The following ZEB2 variants were observed in gnomAD, a reference collection of about 807,000 sequenced individuals.
ZEB2 encodes zinc finger E-box-binding homeobox 2.
ZEB2 carries 6 observed loss-of-function variants against 99.9 expected under a neutral mutation model. That is an observed-to-expected ratio of 0.06 (90% confidence interval 0.03 to 0.12). The LOEUF is 0.12. Ranked by LOEUF, ZEB2 falls within the 10% of genes least tolerant of loss-of-function variation. The probability of loss-of-function intolerance (pLI) is 1.00; values close to 1 mark genes in which losing one functional copy is unlikely to be tolerated. For missense variants in ZEB2, 969 were observed against 1,502.8 expected (o/e 0.64, Z 5.87); for synonymous variants, 517 against 542.5 (o/e 0.95, Z 0.65).
intron 1 of ZEB2, 51 bp from the exon 2 acceptor site, chr2:144,517,470 C>T: frequency 1.6e-6 from 2 of 1,286,576 alleles, no homozygotes; most frequent in Admixed American, 1.9e-5. Context: ...CCCATTGAAA[C>T]GCGCGCGGGC....
intron 2 of ZEB2, among the ~76,000 whole-genome samples, chr2:144,460,005 C>G (rs1337531834): frequency 1.3e-5 from 2 of 152,142 alleles, no homozygotes; most frequent in African/African-American, 2.4e-5. Context: ...AGGTTACCCT[C>G]CGAGCCAACA....
At chr2:144,470,701 G>T (rs1560638011) in intron 2 of ZEB2, among the ~76,000 whole-genome samples, 1 of 152,028 alleles carries the variant, frequency 6.6e-6, no homozygotes, top group Admixed American at 6.6e-5. Context: ...GCCATAAGTT[G>T]CTTTTTTGTT....
intron 9 of ZEB2, among the ~76,000 whole-genome samples, chr2:144,391,224 G>A (rs1298148998): frequency 1.3e-5 from 2 of 152,168 alleles, no homozygotes; most frequent in Non-Finnish European, 2.9e-5. Context: ...AATGCCTCCA[G>A]GGCATGCCAC....
At chr2:144,428,575 G>T (rs866809399) in intron 3 of ZEB2, 1 of 152,092 alleles carries the variant, frequency 6.6e-6, no homozygotes. Context: ...AATTGGAAAC[G>T]GAAAGAGTAG....
Position 144,434,027 on chromosome 2 carries a change from T to G in ZEB2, c.74-4001A>C, listed in dbSNP as rs530644401. The stretch of plus-strand genomic sequence containing the variant: ...ATACAATGTTACCTTACTAACCCCT[T>G]TTCCTACTTATATGCTTTCTCTACA... On this transcript the variant is annotated intron_variant, in intron 2 of 9. Transcript: ENST00000627532. Among the ~76,000 whole-genome samples, 4 of 152,334 alleles carry G rather than the reference T, an allele frequency of 2.6e-5. No individual in the cohort carries two copies. In the South Asian group the frequency reaches 8.3e-4, roughly 32 times the overall value.
chr2:144,513,572 G>T (rs1299730331), intron 2 of ZEB2: 7 of 1,529,100 alleles, frequency 4.6e-6, no homozygotes, highest in Non-Finnish European at 6.1e-6. Context: ...CAACGTGCAT[G>T]TCTCTGTGAG....
At chr2:144,512,786 C>A (rs934810548) in intron 2 of ZEB2, 12 of 1,287,062 alleles carry the variant, frequency 9.3e-6, no homozygotes, top group Non-Finnish European at 1.2e-5. Context: ...ATACATAGCC[C>A]CCAGCCTTGT....
chr2:144,472,553 C>T (rs932181950), intron 2 of ZEB2, among the ~76,000 whole-genome samples: 2 of 152,068 alleles, frequency 1.3e-5, no homozygotes, highest in Non-Finnish European at 2.9e-5. Flanking sequence ...TCTTATTACT[C>T]ATCACAACAA....
At chr2:144,487,283 A>C (rs1483185609) in intron 2 of ZEB2, among the ~76,000 whole-genome samples, 1 of 152,214 alleles carries the variant, frequency 6.6e-6, no homozygotes, top group Non-Finnish European at 1.5e-5. Flanking sequence ...CTTAGCAAGA[A>C]GAGATTAAAG....
At chr2:144,446,211 T>C (rs1282819608) in intron 2 of ZEB2, among the ~76,000 whole-genome samples, 1 of 152,218 alleles carries the variant, frequency 6.6e-6, no homozygotes. Context: ...AACATTCATA[T>C]GATGCTTTCA....
intron 2 of ZEB2, chr2:144,513,326 C>A (rs1402321093): frequency 7.7e-7 from 1 of 1,299,706 alleles, no homozygotes; most frequent in African/African-American, 1.5e-5. Flanking sequence ...TGAGAACATT[C>A]AACTTGATCC....
At chr2:144,401,886 G>C (rs981420881) in intron 6 of ZEB2, among the ~76,000 whole-genome samples, 2 of 152,102 alleles carry the variant, frequency 1.3e-5, no homozygotes, top group Non-Finnish European at 2.9e-5. Flanking sequence ...TACATGATGA[G>C]CATGTTTAAA....
intron 2 of ZEB2, among the ~76,000 whole-genome samples, chr2:144,503,000 T>G (rs1230846157): frequency 6.6e-6 from 1 of 152,162 alleles, no homozygotes; most frequent in African/African-American, 2.4e-5. Context: ...AACTCTTCCT[T>G]AGGAATTTAT....
In ZEB2 at chr2:144,394,807, A is replaced by G. The variant is rs895360947; in HGVS notation, c.3067+1605T>C. 7.2e-5 allele frequency among the ~76,000 whole-genome samples: 11 copies of G among 152,244 alleles called. No individual in the cohort carries two copies. In the South Asian group the frequency reaches 2.1e-3, roughly 29 times the overall value. ...TATTTATCAACCTTGTTGCTTCACA[A>G]AAACCCTCCCCACACTATCAGGCTG... On this transcript the variant is annotated intron_variant, in intron 9 of 9. Coordinates refer to ENST00000627532, the MANE Select transcript of ZEB2 (RefSeq NM_014795.4).
At chr2:144,409,158 G>A (rs542319230) in intron 4 of ZEB2, among the ~76,000 whole-genome samples, 25 of 152,108 alleles carry the variant, frequency 1.6e-4, no homozygotes, top group Admixed American at 1.4e-3. Flanking sequence ...CTTAAATTCC[G>A]TGAGCCAAGA....
chr2:144,511,401 CCTTTATTTACTTTGTAA>C (rs770089657), intron 2 of ZEB2: 1 of 1,213,090 alleles, frequency 8.2e-7, no homozygotes, highest in South Asian at 1.5e-5. Flanking sequence ...AAAATGAAAT[CCTTTATTTACTTTGTAA>C]CTACTAGTTA....
chr2:144,426,680 A>C (rs1703694411), intron 3 of ZEB2: 1 of 152,224 alleles, frequency 6.6e-6, no homozygotes, highest in Admixed American at 6.5e-5. Context: ...TGCATTTTGT[A>C]GTATTATTTA....
intron 2 of ZEB2, among the ~76,000 whole-genome samples, chr2:144,492,633 T>G (rs1704697086): frequency 6.6e-6 from 1 of 152,224 alleles, no homozygotes; most frequent in African/African-American, 2.4e-5. Flanking sequence ...TCTGCCTCCC[T>G]GACTCCCAAG....
intron 4 of ZEB2, among the ~76,000 whole-genome samples, chr2:144,417,154 A>G (rs1048276001): frequency 2.0e-5 from 3 of 152,344 alleles, no homozygotes; most frequent in East Asian, 1.9e-4. Flanking sequence ...TAGGGTCCCA[A>G]TAAGTGACCA....
Sources: gnomAD v4.1 joint callset for allele counts (sites outside exome capture counted in the v4.1 genomes callset) on GRCh38, gnomAD v4.1.1 for gene constraint, MANE v1.5 for transcripts, NCBI Gene and HGNC (gene_info 2026-07-23, HGNC 2026-07-21) for gene names.